Variants in CACNA2D3 observed in about 807,000 individuals in gnomAD.
CACNA2D3 encodes voltage-dependent calcium channel subunit alpha-2/delta-3.
Under a neutral mutation model 160.6 loss-of-function variants are expected in CACNA2D3, and 60 were observed. That is an observed-to-expected ratio of 0.37 (90% CI 0.30 to 0.46). CACNA2D3 has a LOEUF of 0.46. Among genes scored for constraint, CACNA2D3 ranks in the 20% least tolerant of loss-of-function variants. The pLI is 1.00. For synonymous variants in CACNA2D3, 558 were observed against 492.9 expected (o/e 1.13, Z -1.75); for missense variants, 1,205 against 1,365.0 (o/e 0.88, Z 1.85).
At chr3:54,362,512 G>C (rs551982008) in intron 3 of CACNA2D3, among the ~76,000 whole-genome samples, 35 of 152,166 alleles carry the variant, frequency 2.3e-4, no homozygotes, top group African/African-American at 8.4e-4. Flanking sequence ...CCACACTCCC[G>C]GGAGGGGAGT....
chr3:55,004,728 A>T, intron 31 of CACNA2D3, 35 bp from the exon 32 acceptor site: 6 of 1,464,842 alleles, frequency 4.1e-6, no homozygotes, highest in Non-Finnish European at 5.7e-6. Flanking sequence ...GTGTTTTCTC[A>T]TTTAGTGAAG....
At chr3:54,983,801 G>C (rs943367326) in intron 29 of CACNA2D3, among the ~76,000 whole-genome samples, 9 of 152,128 alleles carry the variant, frequency 5.9e-5, no homozygotes, top group Admixed American at 5.9e-4. Flanking sequence ...TGTTGCAGTT[G>C]GTATGTAAAG....
intron 13 of CACNA2D3, among the ~76,000 whole-genome samples, chr3:54,771,629 T>C (rs997408200): frequency 2.0e-5 from 3 of 152,244 alleles, no homozygotes; most frequent in African/African-American, 7.2e-5. Flanking sequence ...CTGTTTGTTT[T>C]CCTCCAGCCC....
At chr3:54,389,929 T>A (rs1370420797) in intron 4 of CACNA2D3, among the ~76,000 whole-genome samples, 1 of 152,270 alleles carries the variant, frequency 6.6e-6, no homozygotes, top group Non-Finnish European at 1.5e-5. Context: ...GATTGTTGGA[T>A]CTTCATCCCT....
chr3:54,124,135 C>A, intron 2 of CACNA2D3, among the ~76,000 whole-genome samples: 1 of 152,192 alleles, frequency 6.6e-6, no homozygotes, highest in South Asian at 2.1e-4. Context: ...ATGTGGTTAT[C>A]TTTCCACTCA....
intron 5 of CACNA2D3, among the ~76,000 whole-genome samples, chr3:54,509,833 T>TA (rs1292587927): frequency 6.6e-6 from 1 of 152,234 alleles, no homozygotes; most frequent in Admixed American, 6.5e-5. Context: ...ATCCCTGACT[T>TA]AAAATTCACA....
At chr3:54,894,283 A>G (rs1198483178) in intron 25 of CACNA2D3, among the ~76,000 whole-genome samples, 1 of 152,152 alleles carries the variant, frequency 6.6e-6, no homozygotes, top group African/African-American at 2.4e-5. Flanking sequence ...TAGTTGGCAG[A>G]GGCCTCCAGG....
rs141651850 is a variant in CACNA2D3, at chr3:54,427,384, G to A, written c.381+40610G>A. Among the ~76,000 whole-genome samples the A allele has an allele frequency of 3.8e-3, 578 of 152,152 alleles. 5 individuals carry two copies. Among genetic ancestry groups the A allele is most frequent in the East Asian group, 8.3e-3 (43 of 5,156 alleles). ...CATTTGGTTAAGATGTGCCGGGAGG[G>A]CCTCAGCATCATGCTTGGTGTGCAC... On this transcript the variant is annotated intron_variant, in intron 4 of 37. Coordinates refer to ENST00000474759, the MANE Select transcript of CACNA2D3 (RefSeq NM_018398.3).
intron 11 of CACNA2D3, among the ~76,000 whole-genome samples, chr3:54,721,239 C>A (rs1182350919): frequency 1.3e-5 from 2 of 152,132 alleles, no homozygotes; most frequent in African/African-American, 4.8e-5. Flanking sequence ...ATCCTCCAAG[C>A]CATGATTATT....
chr3:54,927,389 A>G (rs1701052641), intron 27 of CACNA2D3, among the ~76,000 whole-genome samples: 2 of 152,172 alleles, frequency 1.3e-5, no homozygotes, highest in Admixed American at 6.5e-5. Context: ...ATAATTTTGC[A>G]AATAATCTAA....
At chr3:55,067,087 G>T (rs1312891342) in intron 35 of CACNA2D3, among the ~76,000 whole-genome samples, 1 of 145,572 alleles carries the variant, frequency 6.9e-6, no homozygotes, top group Non-Finnish European at 1.5e-5. Flanking sequence ...CTTTCCGCTG[G>T]CAATCTTTTG....
At position 54,739,775 on chromosome 3, in the gene CACNA2D3, G is replaced by A. The variant is rs1318379206; in HGVS notation, c.1168-12824G>A. ...TATGTGTGTGTGTGTGTGTGTGTGT[G>A]TGTGTGTGTGTGTGTGTGTGGAATT... On this transcript the variant is annotated intron_variant, in intron 11 of 37. Transcript: ENST00000474759. Among the ~76,000 whole-genome samples, 4 of 151,192 alleles carry A rather than the reference G, an allele frequency of 2.6e-5. No homozygotes were observed. In the East Asian group the frequency reaches 5.8e-4, roughly 22 times the overall value.
At chr3:54,632,123 A>G (rs781187198) in intron 10 of CACNA2D3, 9 of 152,222 alleles carry the variant, frequency 5.9e-5, no homozygotes, top group Admixed American at 1.3e-4. Context: ...GAGAAAAGAT[A>G]TTACTCATCA....
chr3:54,927,826 T>A lies in CACNA2D3; in HGVS notation c.2449+27958T>A, dbSNP rs1575382635. The A allele has an allele frequency of 1.9e-5, 27 of 1,453,852 alleles. No individual in the cohort carries two copies. The South Asian group carries it at 3.0e-4, about 16-fold the overall frequency. 90.1% of individuals were successfully genotyped at this position (1,453,852 alleles called of 1,614,324 possible). On this transcript the variant is annotated intron_variant, in intron 27 of 37. Transcript: ENST00000474759. ...AAGACAGACGACTTGAAAATAGATTTCCCGCAGATACCTTTGTGAGGGGAT... is the reference window on the plus strand; with the variant it reads ...AAGACAGACGACTTGAAAATAGATTACCCGCAGATACCTTTGTGAGGGGAT...
intron 25 of CACNA2D3, among the ~76,000 whole-genome samples, chr3:54,892,110 A>G (rs751873081): frequency 3.2e-4 from 48 of 152,204 alleles, no homozygotes; most frequent in Admixed American, 5.2e-4. Context: ...CACCAGGGCT[A>G]GTAGGTAGAC....
intron 3 of CACNA2D3, among the ~76,000 whole-genome samples, chr3:54,344,816 G>A (rs755099491): frequency 5.9e-5 from 9 of 152,070 alleles, no homozygotes; most frequent in Non-Finnish European, 1.0e-4. Flanking sequence ...ATTCCTAGAC[G>A]GCTAAGGCAT....
chr3:54,782,568 G>C (rs1245691515), intron 13 of CACNA2D3, among the ~76,000 whole-genome samples: 2 of 151,952 alleles, frequency 1.3e-5, no homozygotes, highest in African/African-American at 4.8e-5. Context: ...GAAAAGACTG[G>C]GCCATGCATG....
chr3:54,946,940 A>G (rs959852797), intron 27 of CACNA2D3, among the ~76,000 whole-genome samples: 1 of 152,192 alleles, frequency 6.6e-6, no homozygotes, highest in African/African-American at 2.4e-5. Flanking sequence ...ATAGTTAAGC[A>G]TTGTGAAAAA....
intron 10 of CACNA2D3, chr3:54,638,910 A>T (rs1278141086): frequency 1.3e-5 from 2 of 151,982 alleles, no homozygotes; most frequent in African/African-American, 4.9e-5. Context: ...AGTTCTTAAG[A>T]ATACATGCTA....
Sources: allele counts gnomAD v4.1 joint callset (sites outside exome capture counted in the v4.1 genomes callset), GRCh38; gene constraint gnomAD v4.1.1; transcripts MANE v1.5; gene names NCBI Gene and HGNC (gene_info 2026-07-23, HGNC 2026-07-21).